Variants in MICU3 observed in about 807,000 individuals in gnomAD.
MICU3 encodes calcium uptake protein 3, mitochondrial.
A neutral mutation model predicts 66.5 loss-of-function variants in MICU3; 62 were observed. The ratio of observed to expected loss-of-function variants is 0.93; its 90% confidence interval spans 0.76 to 1.15. The LOEUF is 1.15. MICU3 is among the 50% of genes most tolerant of loss of function. The pLI, the probability that MICU3 is intolerant of heterozygous loss-of-function variation, is 0.00. For synonymous variants in MICU3, 308 were observed against 240.7 expected (o/e 1.28, Z -2.59); for missense variants, 779 against 664.4 (o/e 1.17, Z -1.90).
chr8:17,059,364 A>C (rs1473934454), intron 1 of MICU3, among the ~76,000 whole-genome samples: 1 of 152,236 alleles, frequency 6.6e-6, no homozygotes, highest in Non-Finnish European at 1.5e-5. Flanking sequence ...TCCTGATAAA[A>C]GGTAGAAGAT....
At chr8:17,100,006 GATTTCTGTAAGATCTTTGGAAAAGGTAT>G in intron 9 of MICU3, among the ~76,000 whole-genome samples, 1 of 151,802 alleles carries the variant, frequency 6.6e-6, no homozygotes, top group Admixed American at 6.6e-5. Flanking sequence ...AGAATTATAT[GATTTCTGTAAGATCTTTGGAAAAGGTAT>G]ATGGTTCTGT....
At chr8:17,031,734 T>C (rs1296660321) in intron 1 of MICU3, among the ~76,000 whole-genome samples, 2 of 152,192 alleles carry the variant, frequency 1.3e-5, no homozygotes, top group Non-Finnish European at 2.9e-5. Context: ...CCTGTATGTG[T>C]TATAAGAATA....
chr8:17,113,028 G>A (rs1341696858), intron 11 of MICU3, among the ~76,000 whole-genome samples: 1 of 152,232 alleles, frequency 6.6e-6, no homozygotes, highest in Non-Finnish European at 1.5e-5. Flanking sequence ...AGTAAACAAT[G>A]TGAGGAGAAA....
At chr8:17,035,767 G>C (rs1812866524) in intron 1 of MICU3, among the ~76,000 whole-genome samples, 1 of 152,206 alleles carries the variant, frequency 6.6e-6, no homozygotes, top group African/African-American at 2.4e-5. Flanking sequence ...TAAAAGTTCA[G>C]AAAGTTTGCA....
intron 13 of MICU3, 76 bp downstream of exon 13, chr8:17,116,676 T>C (rs1173799270): frequency 1.9e-6 from 2 of 1,045,780 alleles, no homozygotes; most frequent in East Asian, 2.9e-5. Context: ...AGTTGAGAAA[T>C]AATTTATCTT....
chr8:17,045,098 C>G (rs1814836238), intron 1 of MICU3, among the ~76,000 whole-genome samples: 3 of 151,428 alleles, frequency 2.0e-5, no homozygotes. Context: ...ATCTGCTAGT[C>G]TTTGTTAGAT....
chr8:17,078,503 T>A (rs1277077548), intron 4 of MICU3, among the ~76,000 whole-genome samples: 1 of 152,088 alleles, frequency 6.6e-6, no homozygotes, highest in Non-Finnish European at 1.5e-5. Flanking sequence ...GTAGAAAAAA[T>A]TTATTAATCT....
chr8:17,109,282 G>T (rs1411112299), intron 11 of MICU3, among the ~76,000 whole-genome samples: 1 of 152,048 alleles, frequency 6.6e-6, no homozygotes, highest in African/African-American at 2.4e-5. Flanking sequence ...TTGATGGATA[G>T]ATGGTATTTT....
rs149100785 is a variant in MICU3 at position 17,105,539 on chromosome 8, A to G, written c.1212A>G (p.Thr404=). Reference sequence around the variant, plus strand: ...TACGATATACAAATGTGGAAAATACATCAGTATTTTTAGAAAATGTGCGTT... The same window carrying G: ...TACGATATACAAATGTGGAAAATACGTCAGTATTTTTAGAAAATGTGCGTT... ...ILLRYTNVEN[T]SVFLENVRYS... Residue 404 remains threonine, a synonymous_variant, in exon 11 of 15, where the codon ACA becomes ACG. Transcript: ENST00000318063. 8.9e-6 allele frequency: 14 copies of G among 1,566,002 alleles called. No homozygotes were observed. The highest frequency in any genetic ancestry group is 2.3e-5 in the East Asian group (1 of 43,800).
chr8:17,046,608 G>A (rs935594581), intron 1 of MICU3, among the ~76,000 whole-genome samples: 1 of 152,034 alleles, frequency 6.6e-6, no homozygotes, highest in Non-Finnish European at 1.5e-5. Flanking sequence ...GTTACTTGGG[G>A]GAGGAGAGGT....
At chr8:17,042,525 C>G (rs1413062038) in intron 1 of MICU3, among the ~76,000 whole-genome samples, 2 of 152,066 alleles carry the variant, frequency 1.3e-5, no homozygotes, top group African/African-American at 4.8e-5. Flanking sequence ...AGTCCTTACC[C>G]CTTTATTCTC....
intron 4 of MICU3, among the ~76,000 whole-genome samples, chr8:17,078,906 C>T (rs1267208296): frequency 6.6e-6 from 1 of 151,938 alleles, no homozygotes; most frequent in Non-Finnish European, 1.5e-5. Context: ...TAAAGATTGC[C>T]ATTCAGATCT....
chr8:17,038,976 T>TA (rs1813558992), intron 1 of MICU3, among the ~76,000 whole-genome samples: 1 of 149,396 alleles, frequency 6.7e-6, no homozygotes, highest in Non-Finnish European at 1.5e-5. Context: ...AATAAATAAA[T>TA]AATAAATAAA....
At chr8:17,124,743 C>T (rs958650317), downstream of MICU3, among the ~76,000 whole-genome samples, 3 of 151,832 alleles carry the variant, frequency 2.0e-5, no homozygotes, top group Non-Finnish European at 4.4e-5. Flanking sequence ...ACTTTGGTAA[C>T]GGCTCGTCCA....
At chr8:17,093,428 T>A (rs1034917984) in intron 8 of MICU3, among the ~76,000 whole-genome samples, 5 of 151,970 alleles carry the variant, frequency 3.3e-5, no homozygotes, top group Admixed American at 6.6e-5. Context: ...ATCATCTGTA[T>A]TTGAAAAGAA....
In MICU3 at chr8:17,067,782, A is replaced by G. The variant is rs182550421; in HGVS notation, c.536-1906A>G. On this transcript the variant is annotated intron_variant, in intron 2 of 14. Coordinates refer to ENST00000318063, the MANE Select transcript of MICU3 (RefSeq NM_181723.3). Reference sequence around the variant, plus strand: ...TAAGCAAATATTTACACGGCACACCATTTTTTTCGCTGTTTAAAATCATAG... The same window carrying G: ...TAAGCAAATATTTACACGGCACACCGTTTTTTTCGCTGTTTAAAATCATAG... Among the ~76,000 whole-genome samples, 25 of 151,614 alleles carry G rather than the reference A, an allele frequency of 1.6e-4. 2 individuals carry two copies. In the East Asian group the frequency reaches 4.5e-3, roughly 27 times the overall value.
rs181583331 is a variant in MICU3 at position 17,041,702 on chromosome 8, G to A, written c.381+14042G>A. On this transcript the variant is annotated intron_variant, in intron 1 of 14. Transcript: ENST00000318063. Reference sequence around the variant, plus strand: ...AATTGATGTGATAAGGACCCAGGTGGGAGTAGGAGATAAAAATTAAAGCCC... The same window carrying A: ...AATTGATGTGATAAGGACCCAGGTGAGAGTAGGAGATAAAAATTAAAGCCC... 4.3e-4 allele frequency among the ~76,000 whole-genome samples: 65 copies of A among 152,252 alleles called. 3 individuals carry two copies. Among genetic ancestry groups the A allele is most frequent in the African/African-American group, 1.5e-3 (64 of 41,566 alleles).
chr8:17,088,178 C>G (rs1393728017), intron 7 of MICU3, among the ~76,000 whole-genome samples: 2 of 151,850 alleles, frequency 1.3e-5, no homozygotes, highest in African/African-American at 4.8e-5. Flanking sequence ...GGATATTTGA[C>G]CATGCTATAA....
intron 9 of MICU3, among the ~76,000 whole-genome samples, chr8:17,100,637 A>G (rs1007473990): frequency 6.6e-6 from 1 of 151,578 alleles, no homozygotes; most frequent in Non-Finnish European, 1.5e-5. Flanking sequence ...AATTATTGAG[A>G]TAAAATCTGT....
Sources: allele counts gnomAD v4.1 joint callset (sites outside exome capture counted in the v4.1 genomes callset), GRCh38; gene constraint gnomAD v4.1.1; transcripts MANE v1.5; gene names NCBI Gene and HGNC (gene_info 2026-07-23, HGNC 2026-07-21).